The following HECTD4 variants were observed in gnomAD, a reference collection of about 807,000 sequenced individuals.
The protein encoded by HECTD4 is probable E3 ubiquitin-protein ligase HECTD4.
In HECTD4, 114 loss-of-function variants were observed where a neutral mutation model predicts 471.5. The ratio of observed to expected loss-of-function variants is 0.24; its 90% CI spans 0.21 to 0.28. The LOEUF (loss-of-function observed/expected upper bound fraction) is 0.28, where lower values mean the gene tolerates loss of function less well. HECTD4 is among the 10% of genes least tolerant of loss of function. The pLI is 1.00. For missense variants in HECTD4, 3,866 were observed against 5,651.5 expected (o/e 0.68, Z 10.13); for synonymous variants, 2,012 against 2,256.0 (o/e 0.89, Z 3.07).
At chr12:112,283,061 G>A in intron 8 of HECTD4, 49 bp downstream of exon 8, 8 of 1,479,130 alleles carry the variant, frequency 5.4e-6, no homozygotes, top group Non-Finnish European at 7.4e-6. Flanking sequence ...AGACGTAGCT[G>A]AACAGAGCTA....
intron 1 of HECTD4, among the ~76,000 whole-genome samples, chr12:112,377,020 G>A (rs778185804): frequency 6.6e-6 from 1 of 152,228 alleles, no homozygotes; most frequent in Non-Finnish European, 1.5e-5. Flanking sequence ...GCTGAGGCTG[G>A]AGAATCGCCT....
Position 112,250,511 on chromosome 12 carries a change from C to T in HECTD4, c.3717-134G>A, listed in dbSNP as rs190188781. On this transcript the variant is annotated intron_variant, in intron 24 of 75. Coordinates refer to ENST00000682272, the MANE Select transcript of HECTD4 (RefSeq NM_001388303.1). ...AAGTAATTACTCATCAAACCTTCTC[C>T]AGAAGCTAAAGACAAGTGAGCATTG... The T allele has an allele frequency of 1.2e-4, 82 of 668,932 alleles. 1 individual carries two copies. The East Asian group carries it at 1.7e-3, about 14-fold the overall frequency. 41.4% of individuals were successfully genotyped at this position (668,932 alleles called of 1,614,324 possible).
rs769343800 is a variant in HECTD4 at position 112,184,784 on chromosome 12, G to C, written c.10182C>G (p.Ala3394=). ...CGGAGATCACCAGCAAGCGGCTGTGGGCGGTGGGGCCCACCAGGGCCTGGC... is the reference window on the plus strand; with the variant it reads ...CGGAGATCACCAGCAAGCGGCTGTGCGCGGTGGGGCCCACCAGGGCCTGGC... The part of the protein sequence containing the change: ...DACQALVGPT[A]HSRLLVISGI... Residue 3394 remains alanine (A), a synonymous_variant, in exon 61 of 76, where the codon GCC becomes GCG. Transcript: ENST00000682272. This position sits in a 1 kb window ranked among gnomAD's most constrained non-coding sequence, Gnocchi z 9.1. 3.7e-6 allele frequency: 6 copies of C among 1,611,298 alleles called. No individual in the cohort carries two copies. Among genetic ancestry groups the C allele is most frequent in the Non-Finnish European group, 5.1e-6 (6 of 1,178,114 alleles).
At position 112,190,849 on chromosome 12, in the gene HECTD4, T is replaced by C. The variant is rs1460010220; in HGVS notation, c.9409A>G (p.Lys3137Glu). ...LSWKSEDSEG[K>E]SEDEPDTIPT... ...ATGGTGTCAGGCTCATCTTCGGACTTCCCTTCACTGTCCTCTGATTTCCAG... is the reference window on the plus strand; with the variant it reads ...ATGGTGTCAGGCTCATCTTCGGACTCCCCTTCACTGTCCTCTGATTTCCAG... Residue 3137 changes from lysine to glutamate, a missense_variant, in exon 60 of 76, where the codon AAG becomes GAG. Around this residue, in one of 16 missense-constraint regions of HECTD4, gnomAD observed 364 missense variants for 413.2 expected, o/e 0.88. Coordinates refer to ENST00000682272, the MANE Select transcript of HECTD4 (RefSeq NM_001388303.1). 1 of 1,585,614 alleles carries C rather than the reference T, an allele frequency of 6.3e-7. No individual in the cohort carries two copies. Among genetic ancestry groups the C allele is most frequent in the Admixed American group, 1.8e-5 (1 of 56,270 alleles).
intron 23 of HECTD4, 26 bp from the exon 24 acceptor site, chr12:112,251,160 C>T (rs1236486159): frequency 2.5e-6 from 4 of 1,609,382 alleles, no homozygotes; most frequent in Non-Finnish European, 3.4e-6. Flanking sequence ...GGGTAAACCA[C>T]ACTGGTCAGT....
chr12:112,170,384 C>T lies in HECTD4; in HGVS notation c.12001G>A (p.Ala4001Thr). ...GTGATCTCAGGGGCCGCGTGGTCCG[C>T]TGTCCTCTGCACAGTGGCATTCAGC... is the stretch of plus-strand genomic sequence containing the variant. ...RVLNATVQRTADHAAPEITLD... is the reference protein window; with the variant it reads ...RVLNATVQRTTDHAAPEITLD... The change falls in exon 69 of 76, where the codon GCG becomes ACG. Residue 4001 changes from alanine to threonine, a missense_variant. By Grantham distance (58) the Ala-to-Thr change is moderately conservative. Around this residue, in one of 16 missense-constraint regions of HECTD4, gnomAD observed 715 missense variants for 1,087.6 expected, o/e 0.66. Coordinates refer to ENST00000682272, the MANE Select transcript of HECTD4 (RefSeq NM_001388303.1). 1 of 1,614,028 alleles carries T rather than the reference C, an allele frequency of 6.2e-7. No homozygotes were observed. The highest frequency in any genetic ancestry group is 1.1e-5 in the South Asian group (1 of 91,086).
intron 7 of HECTD4, among the ~76,000 whole-genome samples, chr12:112,295,770 T>C (rs565662212): frequency 1.3e-5 from 2 of 151,036 alleles, no homozygotes; most frequent in East Asian, 3.9e-4. Context: ...GCCCTCCAAA[T>C]AGCTGGGACT....
chr12:112,266,436 T>C (rs1484194410), intron 14 of HECTD4, among the ~76,000 whole-genome samples: 1 of 152,196 alleles, frequency 6.6e-6, no homozygotes, highest in African/African-American at 2.4e-5. Context: ...TAAAACATGG[T>C]TTTTGCTTTC....
chr12:112,350,419 G>A (rs555801084), intron 1 of HECTD4, among the ~76,000 whole-genome samples: 1 of 152,170 alleles, frequency 6.6e-6, no homozygotes, highest in South Asian at 2.1e-4. Flanking sequence ...TGGCTTCATT[G>A]ATTTTAGAGC....
intron 21 of HECTD4, among the ~76,000 whole-genome samples, chr12:112,255,979 C>T (rs1480232689): frequency 6.6e-6 from 1 of 152,180 alleles, no homozygotes; most frequent in East Asian, 1.9e-4. Context: ...GAATGGACAT[C>T]ACACATCTGG....
Position 112,174,199 on chromosome 12 carries a change from C to T in HECTD4, c.11595-1338G>A, listed in dbSNP as rs1013127099. ...GGTCAGGTTGGTCTTCAACTCCTGA[C>T]CTCAGTTGATCTGCCCGCCTTGGCC... On this transcript the variant is annotated intron_variant, in intron 66 of 75. Transcript: ENST00000682272. Among the ~76,000 whole-genome samples, 4 of 151,612 alleles carry T rather than the reference C, an allele frequency of 2.6e-5. No individual in the cohort carries two copies. The East Asian group carries it at 7.8e-4, about 29-fold the overall frequency.
intron 1 of HECTD4, among the ~76,000 whole-genome samples, chr12:112,372,969 G>GCTGGTCT (rs1224618169): frequency 6.6e-6 from 1 of 151,704 alleles, no homozygotes; most frequent in African/African-American, 2.4e-5. Flanking sequence ...TGTTGTCCAG[G>GCTGGTCT]CTGGTCTTGA....
intron 28 of HECTD4, 49 bp from the exon 29 acceptor site, chr12:112,247,125 A>G: frequency 7.2e-7 from 1 of 1,390,194 alleles, no homozygotes; most frequent in Non-Finnish European, 9.8e-7. Flanking sequence ...GCTTATCAAA[A>G]ACAACTATTA....
At chr12:112,223,053 G>C (rs1287151038) in intron 44 of HECTD4, among the ~76,000 whole-genome samples, 1 of 152,078 alleles carries the variant, frequency 6.6e-6, no homozygotes, top group Non-Finnish European at 1.5e-5. Flanking sequence ...TCAGGAGAAG[G>C]GTAGGTAAAA....
rs572142893 is a variant in HECTD4, at chr12:112,378,243, G to T, written c.177+3709C>A. Among the ~76,000 whole-genome samples the T allele has an allele frequency of 5.6e-4, 85 of 151,978 alleles. 1 individual carries two copies. Among genetic ancestry groups the T allele is most frequent in the African/African-American group, 1.9e-3 (80 of 41,456 alleles). On this transcript the variant is annotated intron_variant, in intron 1 of 75. Transcript: ENST00000682272. ...AGACTCTTTTTTTCTTTTTTTGACG[G>T]AGTCTCGCTATGTTGCCCAGGCTGG...
chr12:112,273,628 T>C (rs2034463813), intron 11 of HECTD4, 27 bp downstream of exon 11: 1 of 1,609,442 alleles, frequency 6.2e-7, no homozygotes, highest in Non-Finnish European at 8.5e-7. Flanking sequence ...GAAAATCTTT[T>C]CCTGCAAGAC....
In HECTD4 at chr12:112,184,922, G is replaced by A. The variant is rs1312461167; in HGVS notation, c.10044C>T (p.Pro3348=). The change falls in exon 61 of 76, where the codon CCC becomes CCT. Residue 3348 remains proline (P), a synonymous_variant. Coordinates refer to ENST00000682272, the MANE Select transcript of HECTD4 (RefSeq NM_001388303.1). This position sits in a 1 kb window ranked among gnomAD's most constrained non-coding sequence, Gnocchi z 9.1. ...PTVLSIGGSK[P]EDMLWFHRAL... ...CGCGGTGGAACCACAGCATGTCCTCGGGCTTGCTGCCTCCGATGCTGAGCA... is the reference window on the plus strand; with the variant it reads ...CGCGGTGGAACCACAGCATGTCCTCAGGCTTGCTGCCTCCGATGCTGAGCA... 1.2e-6 allele frequency: 2 copies of A among 1,613,764 alleles called. No individual in the cohort carries two copies. The highest frequency in any genetic ancestry group is 1.7e-6 in the Non-Finnish European group (2 of 1,179,808).
intron 7 of HECTD4, among the ~76,000 whole-genome samples, chr12:112,290,729 T>C (rs2034859645): frequency 6.6e-6 from 1 of 151,648 alleles, no homozygotes; most frequent in African/African-American, 2.4e-5. Context: ...ATGCCTGTAG[T>C]CCCAGCTACT....
At position 112,202,097 on chromosome 12, in the gene HECTD4, T is replaced by C. The variant is rs368677572; in HGVS notation, c.8407-1299A>G. Among the ~76,000 whole-genome samples the C allele has an allele frequency of 2.1e-3, 315 of 152,334 alleles. 2 individuals are homozygous for C. Among genetic ancestry groups the C allele is most frequent in the African/African-American group, 7.2e-3 (301 of 41,582 alleles). ...AGGCAGTGGGAGATTAACAGTATTA[T>C]TGATGGAATTTTCCATTTGAAAGTT... is the stretch of plus-strand genomic sequence containing the variant. On this transcript the variant is annotated intron_variant, in intron 54 of 75. Transcript: ENST00000682272.
Sources: gnomAD v4.1 joint callset for allele counts (sites outside exome capture counted in the v4.1 genomes callset) on GRCh38, gnomAD v4.1.1 for gene constraint, gnomAD v4.1.1 regional missense constraint, Gnocchi (gnomAD v3.1) non-coding constraint, MANE v1.5 for transcripts, NCBI Gene and HGNC (gene_info 2026-07-23, HGNC 2026-07-21) for gene names.